The following RFTN1 variants were observed in gnomAD, a reference collection of about 807,000 sequenced individuals.
RFTN1 encodes the protein raftlin, lipid raft linker 1, also known as raftlin.
In RFTN1, 26 loss-of-function variants were observed where a neutral mutation model predicts 46.5. The observed-to-expected ratio is 0.56, with a 90% CI of 0.41 to 0.78. The LOEUF is 0.78. Among genes scored for constraint, RFTN1 ranks in the 30% least tolerant of loss-of-function variants. The pLI is 0.00. For synonymous variants in RFTN1, 261 were observed against 284.2 expected (o/e 0.92, Z 0.82); for missense variants, 693 against 718.7 (o/e 0.96, Z 0.41).
rs2074897100 is a variant in RFTN1, at chr3:16,407,919, C to G, written c.441+1456G>C. Among the ~76,000 whole-genome samples the G allele has an allele frequency of 6.6e-6, 1 of 152,106 alleles. No individual in the cohort carries two copies. Among genetic ancestry groups the G allele is most frequent in the Admixed American group, 6.5e-5 (1 of 15,280 alleles). On this transcript the variant is annotated intron_variant, in intron 4 of 9. Transcript: ENST00000334133. This position sits in a 1 kb window ranked among gnomAD's most constrained non-coding sequence, Gnocchi z 4.0. ...GCTCCTGGTCTATGGGCCATAGACC[C>G]ATACATGAGCGGCTACTCCCAGAGT...
In RFTN1 at chr3:16,396,838, G is replaced by A. The variant is rs766698489; in HGVS notation, c.441+12537C>T. The stretch of plus-strand genomic sequence containing the variant: ...AGCACTTCGGGAAGCTGAGGTGGGC[G>A]GATCACCTGAGGTCAGGAGTTTGAG... On this transcript the variant is annotated intron_variant, in intron 4 of 9. Coordinates refer to ENST00000334133, the MANE Select transcript of RFTN1 (RefSeq NM_015150.2). Among the ~76,000 whole-genome samples, 48 of 152,268 alleles carry A rather than the reference G, an allele frequency of 3.2e-4. 1 individual carries two copies. The highest frequency in any genetic ancestry group is 3.4e-3 in the Middle Eastern group (1 of 294).
At position 16,335,773 on chromosome 3, in the gene RFTN1, C is replaced by CT. The variant is rs2070782516; in HGVS notation, c.1147-8898dup. Among the ~76,000 whole-genome samples the CT allele has an allele frequency of 8.3e-6, 1 of 121,076 alleles. No individual in the cohort carries two copies. The highest frequency in any genetic ancestry group is 3.7e-5 in the African/African-American group (1 of 27,036). 79.4% of individuals were successfully genotyped at this position (121,076 alleles called of 152,430 possible). ...CATATCCTGCACTTGCACCCTGGAA[C>CT]TTTAAAAAAAAAAAAAAAAAAAGGA... On this transcript the variant is annotated intron_variant, in intron 7 of 9. Transcript: ENST00000334133. This position sits in a 1 kb window ranked among gnomAD's most constrained non-coding sequence, Gnocchi z 4.7.
intron 4 of RFTN1, among the ~76,000 whole-genome samples, chr3:16,389,176 G>A (rs1488976692): frequency 6.6e-6 from 1 of 152,196 alleles, no homozygotes; most frequent in African/African-American, 2.4e-5. Flanking sequence ...TTGAGATGGT[G>A]CCATTGGGCA....
At chr3:16,324,013 G>A (rs116437161) in intron 8 of RFTN1, among the ~76,000 whole-genome samples, 4,498 of 152,276 alleles carry the variant, frequency 0.03, 103 homozygotes, top group Middle Eastern at 0.078. Context: ...GGGGCGACTC[G>A]TATCTTACAA....
intron 7 of RFTN1, among the ~76,000 whole-genome samples, chr3:16,343,244 G>C (rs540188108): frequency 6.6e-6 from 1 of 152,280 alleles, no homozygotes; most frequent in South Asian, 2.1e-4. Context: ...CTAATTAGTG[G>C]TAATGGAACA....
rs1326401025 is a variant in RFTN1, at chr3:16,407,421, G to C, written c.441+1954C>G. On this transcript the variant is annotated intron_variant, in intron 4 of 9. Transcript: ENST00000334133. This position sits in a 1 kb window ranked among gnomAD's most constrained non-coding sequence, Gnocchi z 4.0. ...TTGCCCAGTCTAATCTCAAACTCCT[G>C]AGCTCAAGCAATCCTTTTGCCTCAG... is the stretch of plus-strand genomic sequence containing the variant. Among the ~76,000 whole-genome samples the C allele has an allele frequency of 6.6e-6, 1 of 151,342 alleles. No homozygotes were observed. Among genetic ancestry groups the C allele is most frequent in the Non-Finnish European group, 1.5e-5 (1 of 67,910 alleles).
intron 4 of RFTN1, among the ~76,000 whole-genome samples, chr3:16,391,890 TTTTG>T (rs1414532031): frequency 0.031 from 852 of 27,782 alleles, 46 homozygotes; most frequent in Middle Eastern, 0.038. Flanking sequence ...TTGTTTTTTT[TTTTG>T]TTTTTTTTAC....
At position 16,421,789 on chromosome 3, in the gene RFTN1, C is replaced by T. The variant is rs1165777645; in HGVS notation, c.332+12062G>A. Among the ~76,000 whole-genome samples the T allele has an allele frequency of 6.6e-6, 1 of 152,136 alleles. No homozygotes were observed. Among genetic ancestry groups the T allele is most frequent in the Admixed American group, 6.5e-5 (1 of 15,276 alleles). On this transcript the variant is annotated intron_variant, in intron 3 of 9. Transcript: ENST00000334133. The surrounding 1 kb of genome is among the most constrained non-coding windows in gnomAD (Gnocchi z 4.6). ...TATTCTCTTCAATCTGCAATCACTTCATAGAAATTTTTTAAAGCCATGTGT... is the reference window on the plus strand; with the variant it reads ...TATTCTCTTCAATCTGCAATCACTTTATAGAAATTTTTTAAAGCCATGTGT...
rs1300853266 is a variant in RFTN1, at chr3:16,334,608, A to AG, written c.1147-7733dup. On this transcript the variant is annotated intron_variant, in intron 7 of 9. Transcript: ENST00000334133. This position sits in a 1 kb window ranked among gnomAD's most constrained non-coding sequence, Gnocchi z 4.3. Reference sequence around the variant, plus strand: ...TGTTGAGCCGGGGCATACAGGATGAAGAGGGACAATGAGAGGGAATGAATT... The same window carrying AG: ...TGTTGAGCCGGGGCATACAGGATGAAGGAGGGACAATGAGAGGGAATGAATT... Among the ~76,000 whole-genome samples, 1 of 152,180 alleles carries AG rather than the reference A, an allele frequency of 6.6e-6. No individual in the cohort carries two copies. Among genetic ancestry groups the AG allele is most frequent in the Non-Finnish European group, 1.5e-5 (1 of 68,034 alleles).
chr3:16,414,564 A>C (rs2075038506), intron 3 of RFTN1, among the ~76,000 whole-genome samples: 2 of 151,068 alleles, frequency 1.3e-5, no homozygotes, highest in Non-Finnish European at 2.9e-5. Context: ...AGATCACACC[A>C]CTGCACTCCA....
Position 16,335,432 on chromosome 3 carries a change from T to C in RFTN1, c.1147-8556A>G, listed in dbSNP as rs2070750735. 6.6e-6 allele frequency among the ~76,000 whole-genome samples: 1 copy of C among 152,232 alleles called. No individual in the cohort carries two copies. Among genetic ancestry groups the C allele is most frequent in the African/African-American group, 2.4e-5 (1 of 41,462 alleles). On this transcript the variant is annotated intron_variant, in intron 7 of 9. Transcript: ENST00000334133. The surrounding 1 kb of genome is among the most constrained non-coding windows in gnomAD (Gnocchi z 4.7). ...ATCCAGTCCATAATGCTATGCAGCCTTAAAAAGGAACGAATCACGTCCTTT... is the reference window on the plus strand; with the variant it reads ...ATCCAGTCCATAATGCTATGCAGCCCTAAAAAGGAACGAATCACGTCCTTT...
intron 1 of RFTN1, among the ~76,000 whole-genome samples, chr3:16,497,258 C>A (rs369194937): frequency 5.9e-5 from 9 of 152,290 alleles, no homozygotes; most frequent in African/African-American, 1.9e-4. Flanking sequence ...TACAAATGCA[C>A]AGATACATCT....
At chr3:16,454,969 C>G in intron 2 of RFTN1, 1 of 161,508 alleles carries the variant, frequency 6.2e-6, no homozygotes, top group Non-Finnish European at 1.3e-5. Flanking sequence ...AAGGACAAGA[C>G]AGCAAAACCC....
At chr3:16,326,065 T>A (rs947494320) in intron 8 of RFTN1, among the ~76,000 whole-genome samples, 5 of 152,250 alleles carry the variant, frequency 3.3e-5, no homozygotes, top group Admixed American at 3.3e-4. Flanking sequence ...CTCAGTTTCC[T>A]CATCTGCAAA....
Position 16,317,584 on chromosome 3 carries a change from G to A in RFTN1, c.1333-352C>T, listed in dbSNP as rs1213546141. ...AGGATGGAGAGGAGATGTGAGGCCT[G>A]CCCCCAGTAAGAGCCAGAGCTGCAG... is the stretch of plus-strand genomic sequence containing the variant. On this transcript the variant is annotated intron_variant, in intron 9 of 9. Transcript: ENST00000334133. This position sits in a 1 kb window ranked among gnomAD's most constrained non-coding sequence, Gnocchi z 4.3. 6.6e-6 allele frequency among the ~76,000 whole-genome samples: 1 copy of A among 152,180 alleles called. No homozygotes were observed. Among genetic ancestry groups the A allele is most frequent in the African/African-American group, 2.4e-5 (1 of 41,440 alleles).
chr3:16,485,868 G>A (rs1291972556), intron 2 of RFTN1, among the ~76,000 whole-genome samples: 1 of 152,230 alleles, frequency 6.6e-6, no homozygotes, highest in African/African-American at 2.4e-5. Flanking sequence ...CGGTGGATAA[G>A]CTTTGAGTGG....
chr3:16,477,296 C>T (rs927871203), intron 2 of RFTN1, among the ~76,000 whole-genome samples: 2 of 152,180 alleles, frequency 1.3e-5, no homozygotes, highest in African/African-American at 4.8e-5. Context: ...ACAGATAGGG[C>T]TGTAATATGT....
At position 16,407,790 on chromosome 3, in the gene RFTN1, C is replaced by T. The variant is rs2074895195; in HGVS notation, c.441+1585G>A. On this transcript the variant is annotated intron_variant, in intron 4 of 9. Transcript: ENST00000334133. This position sits in a 1 kb window ranked among gnomAD's most constrained non-coding sequence, Gnocchi z 4.0. ...GCGTATGTGAACAAAAGCTACTTCC[C>T]CCCTCCCCCATTTCTTAAATAATAA... 6.6e-6 allele frequency among the ~76,000 whole-genome samples: 1 copy of T among 152,066 alleles called. No individual in the cohort carries two copies. The highest frequency in any genetic ancestry group is 1.5e-5 in the Non-Finnish European group (1 of 68,016).
At chr3:16,323,622 T>C (rs2069338012) in intron 8 of RFTN1, among the ~76,000 whole-genome samples, 165 bp from the exon 9 acceptor site, 1 of 152,156 alleles carries the variant, frequency 6.6e-6, no homozygotes, top group Non-Finnish European at 1.5e-5. Context: ...CCATCCAACC[T>C]TGCTTCCGAG....
Sources: gnomAD v4.1 joint callset for allele counts (sites outside exome capture counted in the v4.1 genomes callset) on GRCh38, gnomAD v4.1.1 for gene constraint, Gnocchi (gnomAD v3.1) non-coding constraint, MANE v1.5 for transcripts, NCBI Gene and HGNC (gene_info 2026-07-23, HGNC 2026-07-21) for gene names.